CNGB3: variants seen among roughly 807,000 people sequenced by gnomAD.
CNGB3 encodes the protein cyclic nucleotide-gated channel beta-3.
Under a neutral mutation model 92.8 loss-of-function variants are expected in CNGB3, and 86 were observed. The ratio of observed to expected loss-of-function variants is 0.93; its 90% CI spans 0.78 to 1.11. The LOEUF (loss-of-function observed/expected upper bound fraction) is 1.11, where lower values mean the gene tolerates loss of function less well. Ranked by LOEUF, CNGB3 falls within the 50% of genes least tolerant of loss-of-function variation. The pLI is 0.00. For missense variants in CNGB3, 1,026 were observed against 956.8 expected (o/e 1.07, Z -0.95); for synonymous variants, 333 against 332.7 (o/e 1.00, Z -0.01).
intron 14 of CNGB3, among the ~76,000 whole-genome samples, chr8:86,608,951 A>G (rs61403704): frequency 0.027 from 4,065 of 152,032 alleles, 100 homozygotes; most frequent in East Asian, 0.071. Flanking sequence ...CTTTTCTTCT[A>G]TCTCCTAGTC....
chr8:86,652,208 TGATAC>T (rs1387008221), intron 7 of CNGB3, among the ~76,000 whole-genome samples: 2 of 151,956 alleles, frequency 1.3e-5, no homozygotes, highest in African/African-American at 4.8e-5. Flanking sequence ...GTTAAAAATA[TGATAC>T]GAAAGATAAA....
At chr8:86,726,988 C>A (rs1825071178) in intron 2 of CNGB3, among the ~76,000 whole-genome samples, 1 of 152,074 alleles carries the variant, frequency 6.6e-6, no homozygotes, top group South Asian at 2.1e-4. Flanking sequence ...TACCACACAC[C>A]AAGGCTATAC....
At chr8:86,652,253 A>T (rs1034528705) in intron 7 of CNGB3, among the ~76,000 whole-genome samples, 1 of 152,056 alleles carries the variant, frequency 6.6e-6, no homozygotes, top group African/African-American at 2.4e-5. Context: ...GATACTTACC[A>T]TGAATGGAGC....
intron 3 of CNGB3, among the ~76,000 whole-genome samples, chr8:86,681,881 T>G (rs1824089148): frequency 6.6e-6 from 1 of 152,180 alleles, no homozygotes; most frequent in Non-Finnish European, 1.5e-5. Context: ...AGATTATCTC[T>G]TTGCTTTTCT....
chr8:86,739,862 C>A, intron 1 of CNGB3, 126 bp from the exon 2 acceptor site: 1 of 1,129,818 alleles, frequency 8.9e-7, no homozygotes. Flanking sequence ...TTATGATGTA[C>A]TAAAAATGAT....
chr8:86,689,609 C>T (rs989178545), intron 3 of CNGB3, among the ~76,000 whole-genome samples: 8 of 150,832 alleles, frequency 5.3e-5, no homozygotes, highest in African/African-American at 7.3e-5. Flanking sequence ...ATGTGCACAA[C>T]GTGCAGGTTT....
chr8:86,681,177 T>TA (rs1198113713), intron 3 of CNGB3, among the ~76,000 whole-genome samples: 3 of 152,144 alleles, frequency 2.0e-5, no homozygotes, highest in African/African-American at 7.2e-5. Context: ...ATGATATTTT[T>TA]AAAAAGCTTG....
intron 6 of CNGB3, chr8:86,657,782 C>T (rs1823542474): frequency 4.1e-6 from 2 of 492,816 alleles, no homozygotes; most frequent in South Asian, 3.1e-5. Flanking sequence ...TCATCTCCTC[C>T]TTGTCCTGGG....
rs113682840 is a variant in CNGB3, at chr8:86,674,556, A to G, written c.339-3458T>C. ...TATGGAACAGGAAAGGCAAATAGAGAGGAAGAAACATACATCATGAGATAA... is the reference window on the plus strand; with the variant it reads ...TATGGAACAGGAAAGGCAAATAGAGGGGAAGAAACATACATCATGAGATAA... On this transcript the variant is annotated intron_variant, in intron 3 of 17. Transcript: ENST00000320005. 4.4e-3 allele frequency among the ~76,000 whole-genome samples: 670 copies of G among 152,296 alleles called. 5 individuals carry two copies. The highest frequency in any genetic ancestry group is 0.016 in the African/African-American group (651 of 41,560).
intron 6 of CNGB3, 31 bp downstream of exon 6, chr8:86,666,894 T>G (rs1457432543): frequency 6.4e-7 from 1 of 1,550,602 alleles, no homozygotes; most frequent in Non-Finnish European, 8.9e-7. Flanking sequence ...TATTCACGTT[T>G]CAGTTTCTGC....
chr8:86,595,788 A>C, intron 15 of CNGB3, among the ~76,000 whole-genome samples: 1 of 152,208 alleles, frequency 6.6e-6, no homozygotes, highest in East Asian at 1.9e-4. Flanking sequence ...CTGGTACTCC[A>C]ATTTTAAAAA....
chr8:86,588,981 G>A (rs1355631247), intron 15 of CNGB3, among the ~76,000 whole-genome samples: 1 of 152,114 alleles, frequency 6.6e-6, no homozygotes, highest in African/African-American at 2.4e-5. Context: ...ACTCTTTTTG[G>A]TTGTTAAGCT....
At chr8:86,652,544 A>G (rs966187106) in intron 7 of CNGB3, among the ~76,000 whole-genome samples, 1 of 151,946 alleles carries the variant, frequency 6.6e-6, no homozygotes, top group Non-Finnish European at 1.5e-5. Flanking sequence ...TTTTCATTAT[A>G]TATGTATTAT....
intron 2 of CNGB3, among the ~76,000 whole-genome samples, chr8:86,735,903 CA>C (rs1318417238): frequency 6.6e-6 from 1 of 152,048 alleles, no homozygotes; most frequent in Non-Finnish European, 1.5e-5. Context: ...CATTTCTACA[CA>C]AATAGGGTCA....
At chr8:86,661,971 C>T in intron 6 of CNGB3, 1 of 533,622 alleles carries the variant, frequency 1.9e-6, no homozygotes, top group Non-Finnish European at 3.4e-6. Context: ...ACAGTCCTGG[C>T]CTCCGTGGTG....
Position 86,592,003 on chromosome 8 carries a change from G to A in CNGB3, c.1781+12090C>T, listed in dbSNP as rs188577227. 2.1e-3 allele frequency among the ~76,000 whole-genome samples: 313 copies of A among 152,346 alleles called. 6 individuals are homozygous for A. Among genetic ancestry groups the A allele is most frequent in the Non-Finnish European group, 3.1e-4 (21 of 68,038 alleles). Reference sequence around the variant, plus strand: ...TAGCAATCAGCGAGACTCCGTGGGCGTAGGACCCTCTGAGCCAGGTGCAGG... The same window carrying A: ...TAGCAATCAGCGAGACTCCGTGGGCATAGGACCCTCTGAGCCAGGTGCAGG... On this transcript the variant is annotated intron_variant, in intron 15 of 17. Transcript: ENST00000320005.
intron 10 of CNGB3, among the ~76,000 whole-genome samples, chr8:86,642,652 T>C (rs1208666851): frequency 6.6e-6 from 1 of 151,674 alleles, no homozygotes; most frequent in African/African-American, 2.4e-5. Context: ...CCTTATTATA[T>C]GTTCAATGTC....
intron 1 of CNGB3, among the ~76,000 whole-genome samples, chr8:86,740,413 G>A (rs140224229): frequency 1.2e-3 from 187 of 152,312 alleles, no homozygotes; most frequent in East Asian, 0.012. Flanking sequence ...GGGAAAGAAA[G>A]GAAACTATTC....
intron 15 of CNGB3, among the ~76,000 whole-genome samples, chr8:86,587,609 G>T (rs1202334641): frequency 9.2e-5 from 14 of 151,750 alleles, no homozygotes; most frequent in African/African-American, 2.4e-4. Context: ...TTTCCCCATT[G>T]CTTGTTTTTC....
Sources: gnomAD v4.1 joint callset for allele counts (sites outside exome capture counted in the v4.1 genomes callset) on GRCh38, gnomAD v4.1.1 for gene constraint, MANE v1.5 for transcripts, NCBI Gene and HGNC (gene_info 2026-07-23, HGNC 2026-07-21) for gene names.